Variants in ROBO4 observed in about 807,000 individuals in gnomAD.
ROBO4 encodes roundabout guidance receptor 4.
ROBO4 carries 80 observed loss-of-function variants against 103.3 expected under a neutral mutation model. The observed-to-expected ratio is 0.77, with a 90% CI of 0.65 to 0.93. The LOEUF is 0.93. Among genes scored for constraint, ROBO4 ranks in the 40% least tolerant of loss-of-function variants. The pLI, the probability that ROBO4 is intolerant of heterozygous loss-of-function variation, is 0.00. For missense variants in ROBO4, 1,333 were observed against 1,305.3 expected (o/e 1.02, Z -0.33); for synonymous variants, 504 against 529.7 (o/e 0.95, Z 0.67).
At chr11:124,893,551 T>A in intron 10 of ROBO4, 137 bp downstream of exon 10, 1 of 773,258 alleles carries the variant, frequency 1.3e-6, no homozygotes, top group East Asian at 2.5e-5. Context: ...GAACTATCAG[T>A]TGGAGTTACA....
rs771077386 is a variant in ROBO4, at chr11:124,894,034, C to T, written c.1330G>A (p.Glu444Lys). The change falls in exon 9 of 18, where the codon GAG (glutamate) becomes AAG (lysine). Residue 444 changes from glutamate to lysine, a missense_variant. Physicochemically the swap from Glu to Lys is moderately conservative, Grantham distance 56. Coordinates refer to ENST00000306534, the MANE Select transcript of ROBO4 (RefSeq NM_019055.6). The part of the protein sequence containing the change: ...PVCLLLEQAM[E>K]RATQEPSEHG... ...TCACTGGGTTCTTGGGTGGCTCGCTCCATGGCCTGCTCTGTATGGGATGCA... is the reference window on the plus strand; with the variant it reads ...TCACTGGGTTCTTGGGTGGCTCGCTTCATGGCCTGCTCTGTATGGGATGCA... 5.2e-6 allele frequency: 8 copies of T among 1,549,482 alleles called. No individual in the cohort carries two copies. Among genetic ancestry groups the T allele is most frequent in the African/African-American group, 1.4e-5 (1 of 73,358 alleles).
In ROBO4 at chr11:124,886,739, G is replaced by T. The variant is rs748817398; in HGVS notation, c.2519C>A (p.Thr840Lys). ...YISVPTASEF[T>K]DMGRTGGGVG... is the part of the protein sequence containing the mutation. The stretch of plus-strand genomic sequence containing the variant: ...CCCTCCTCCAGTCCTGCCCATGTCC[G>T]TGAACTCTGAGGCTGTTGGGACGCT... Residue 840 changes from threonine to lysine, a missense_variant, in exon 16 of 18, where the codon ACG (threonine) becomes AAG (lysine). Physicochemically the swap from Thr to Lys is moderately conservative, Grantham distance 78 (BLOSUM62 -1). Transcript: ENST00000306534. 2 of 1,588,770 alleles carry T rather than the reference G, an allele frequency of 1.3e-6. No homozygotes were observed. The highest frequency in any genetic ancestry group is 1.3e-5 in the African/African-American group (1 of 74,440).
intron 10 of ROBO4, chr11:124,892,787 A>G (rs901609205): frequency 2.0e-5 from 3 of 152,446 alleles, no homozygotes; most frequent in African/African-American, 7.2e-5. Context: ...AATCTCCCTC[A>G]AGGACAGAGC....
Position 124,886,444 on chromosome 11 carries a change from G to C in ROBO4, c.2794+20C>G, listed in dbSNP as rs764806489. On this transcript the variant is annotated intron_variant, in intron 16 of 17. Coordinates refer to ENST00000306534, the MANE Select transcript of ROBO4 (RefSeq NM_019055.6). ...GGCAAGGGGCATGAGTGAGGAGTAA[G>C]ATGGGGAGACCTCACATACCTATGA... 6.3e-7 allele frequency: 1 copy of C among 1,580,020 alleles called. No homozygotes were observed. Among genetic ancestry groups the C allele is most frequent in the East Asian group, 2.3e-5 (1 of 44,416 alleles).
intron 1 of ROBO4, 76 bp from the exon 2 acceptor site, chr11:124,897,337 T>C: frequency 8.9e-7 from 1 of 1,119,036 alleles, no homozygotes; most frequent in Non-Finnish European, 1.2e-6. Context: ...CTCATCTGTC[T>C]TCTCTTGTGT....
rs766081011 is a variant in ROBO4 at position 124,891,499 on chromosome 11, C to T, written c.1748G>A (p.Gly583Asp). 1 of 1,613,906 alleles carries T rather than the reference C, an allele frequency of 6.2e-7. No individual in the cohort carries two copies. The highest frequency in any genetic ancestry group is 2.2e-5 in the East Asian group (1 of 44,896). The change falls in exon 12 of 18, where the codon GGC becomes GAC. Residue 583 changes from glycine to aspartate, a missense_variant. Physicochemically the swap from Gly to Asp is moderately conservative, Grantham distance 94. Coordinates refer to ENST00000306534, the MANE Select transcript of ROBO4 (RefSeq NM_019055.6). ...GGAGGGCAGCTCAGCGATGAGGGAG[C>T]CATAAAAAGTGCTGGTGTCTGGAAG... ...PLLPDTSTFY[G>D]SLIAELPSST... is the part of the protein sequence containing the mutation.
Position 124,891,704 on chromosome 11 carries a change from C to T in ROBO4, c.1646G>A (p.Gly549Glu), listed in dbSNP as rs568860057. Residue 549 changes from glycine (G) to glutamate (E), a missense_variant, in exon 11 of 18, where the codon GGG becomes GAG. By Grantham distance (98) the Gly-to-Glu change is moderately conservative. Coordinates refer to ENST00000306534, the MANE Select transcript of ROBO4 (RefSeq NM_019055.6). The stretch of plus-strand genomic sequence containing the variant: ...GTCTAGTGGGTCCCGGGCATCCGCC[C>T]CCAGCCGACTGCTGAGGCTGCTGCT... ...SSSSSLSSRLGADARDPLDCR... is the reference protein window; with the variant it reads ...SSSSSLSSRLEADARDPLDCR... 1 of 1,614,172 alleles carries T rather than the reference C, an allele frequency of 6.2e-7. No homozygotes were observed. The highest frequency in any genetic ancestry group is 1.1e-5 in the South Asian group (1 of 91,076).
At chr11:124,896,137 A>G in intron 4 of ROBO4, 61 bp downstream of exon 4, 10 of 1,596,862 alleles carry the variant, frequency 6.3e-6, no homozygotes, top group Non-Finnish European at 8.5e-6. Flanking sequence ...CCAAACCAGA[A>G]TACACCACCC....
intron 12 of ROBO4, among the ~76,000 whole-genome samples, chr11:124,889,219 A>G (rs774155486): frequency 6.6e-6 from 1 of 152,190 alleles, no homozygotes; most frequent in African/African-American, 2.4e-5. Context: ...CATATGACCC[A>G]GGTAATCTGG....
intron 7 of ROBO4, 68 bp from the exon 8 acceptor site, chr11:124,894,437 G>T: frequency 1.3e-6 from 2 of 1,493,862 alleles, no homozygotes; most frequent in Admixed American, 3.7e-5. Flanking sequence ...TTTATCTGCA[G>T]ATCAGACTCC....
chr11:124,887,128 G>T lies in ROBO4; in HGVS notation c.2284C>A (p.Pro762Thr), dbSNP rs201709599. The T allele has an allele frequency of 2.5e-5, 40 of 1,613,554 alleles. No individual in the cohort carries two copies. The East Asian group carries it at 7.8e-4, about 31-fold the overall frequency. ...PILSPCSPPS[P>T]QASSLSGPSP... ...GGGCCAGAGAGGGAAGAGGCCTGGG[G>T]GCTAGGGGGACTGCAGGGGCTAAGG... is the stretch of plus-strand genomic sequence containing the variant. The change falls in exon 15 of 18, where the codon CCC becomes ACC. Residue 762 changes from proline (P) to threonine (T), a missense_variant. Physicochemically the swap from Pro to Thr is conservative, Grantham distance 38. Coordinates refer to ENST00000306534, the MANE Select transcript of ROBO4 (RefSeq NM_019055.6).
At chr11:124,887,629 A>T in intron 13 of ROBO4, 104 bp downstream of exon 13, 1 of 1,522,886 alleles carries the variant, frequency 6.6e-7, no homozygotes, top group South Asian at 1.2e-5. Context: ...CAGCCTCCTC[A>T]GGGAAAGGAG....
Position 124,886,538 on chromosome 11 carries a change from G to A in ROBO4, c.2720C>T (p.Ala907Val), listed in dbSNP as rs1330745249. The change falls in exon 16 of 18, where the codon GCC becomes GTC. Residue 907 changes from alanine (A) to valine (V), a missense_variant. Physicochemically the swap from Ala to Val is moderately conservative, Grantham distance 64 (BLOSUM62 0). Coordinates refer to ENST00000306534, the MANE Select transcript of ROBO4 (RefSeq NM_019055.6). ...ATCCACAGCCACTGCCAGGGCCCGGGCAAAGTGAGCATCAGCGAGGAAGGA... is the reference window on the plus strand; with the variant it reads ...ATCCACAGCCACTGCCAGGGCCCGGACAAAGTGAGCATCAGCGAGGAAGGA... ...DGSFLADAHF[A>V]RALAVAVDSF... 6.2e-7 allele frequency: 1 copy of A among 1,614,224 alleles called. No individual in the cohort carries two copies. Among genetic ancestry groups the A allele is most frequent in the East Asian group, 2.2e-5 (1 of 44,886 alleles).
intron 7 of ROBO4, among the ~76,000 whole-genome samples, chr11:124,894,831 T>A (rs1946856675): frequency 6.6e-6 from 1 of 152,208 alleles, no homozygotes; most frequent in Admixed American, 6.5e-5. Flanking sequence ...CCTGTGGCCT[T>A]TGCCCCACTT....
At chr11:124,896,437 C>G in intron 3 of ROBO4, 76 bp downstream of exon 3, 6 of 1,590,868 alleles carry the variant, frequency 3.8e-6, no homozygotes, top group Non-Finnish European at 5.1e-6. Flanking sequence ...CGGGGCTGGA[C>G]GGCAGGTCAG....
At chr11:124,885,530 T>C (rs924544996) in intron 16 of ROBO4, among the ~76,000 whole-genome samples, 1 of 151,822 alleles carries the variant, frequency 6.6e-6, no homozygotes. Context: ...TCTGCCATCA[T>C]GGGCACTTCT....
chr11:124,891,284 T>C lies in ROBO4; in HGVS notation c.1948+15A>G. The C allele has an allele frequency of 6.6e-7, 1 of 1,514,216 alleles. No homozygotes were observed. Among genetic ancestry groups the C allele is most frequent in the Non-Finnish European group, 8.8e-7 (1 of 1,133,230 alleles). 93.8% of individuals were successfully genotyped at this position (1,514,216 alleles called of 1,614,324 possible). A position where few individuals can be genotyped will look rare whatever the true frequency, so the allele number is the denominator to read the frequency against. On this transcript the variant is annotated intron_variant, in intron 12 of 17. Transcript: ENST00000306534. Reference sequence around the variant, plus strand: ...TACCACCAGCTCAGTCTATGTCTATTCTCCCCCTCCTTACCCTGCTTCTTT... The same window carrying C: ...TACCACCAGCTCAGTCTATGTCTATCCTCCCCCTCCTTACCCTGCTTCTTT...
intron 10 of ROBO4, among the ~76,000 whole-genome samples, chr11:124,893,182 G>A (rs186937071): frequency 3.9e-5 from 6 of 152,334 alleles, no homozygotes; most frequent in African/African-American, 9.6e-5. Context: ...TCTGGCAGCC[G>A]AATATACCGG....
intron 14 of ROBO4, 32 bp downstream of exon 14, chr11:124,887,326 C>A: frequency 6.2e-7 from 1 of 1,613,698 alleles, no homozygotes; most frequent in Non-Finnish European, 8.5e-7. Context: ...CCCACTCTCC[C>A]AGCCCTGCTT....
Sources: allele counts gnomAD v4.1 joint callset (sites outside exome capture counted in the v4.1 genomes callset), GRCh38; gene constraint gnomAD v4.1.1; transcripts MANE v1.5; gene names NCBI Gene and HGNC (gene_info 2026-07-23, HGNC 2026-07-21).